MAPRE1: variants seen among roughly 807,000 people sequenced by gnomAD.
The protein encoded by MAPRE1 is microtubule associated protein RP/EB family member 1.
MAPRE1 carries 5 observed loss-of-function variants against 32.1 expected under a neutral mutation model. The ratio of observed to expected loss-of-function variants is 0.16; its 90% CI spans 0.08 to 0.33. The LOEUF (loss-of-function observed/expected upper bound fraction) is 0.33. Ranked by LOEUF, MAPRE1 falls within the 10% of genes least tolerant of loss-of-function variation. The probability of loss-of-function intolerance (pLI) is 1.00; values close to 1 mark genes in which losing one functional copy is unlikely to be tolerated. For missense variants in MAPRE1, 209 were observed against 327.2 expected, an observed-to-expected ratio of 0.64 and a Z score of 2.79; for synonymous variants, 122 against 118.9, an observed-to-expected ratio of 1.03 and a Z score of -0.17.
chr20:32,845,501 T>A (rs994827148), intron 5 of MAPRE1, among the ~76,000 whole-genome samples: 2 of 152,208 alleles, frequency 1.3e-5, no homozygotes, highest in Admixed American at 1.3e-4. Context: ...TGGTGTCACC[T>A]GATCCTCATC....
chr20:32,835,342 TTG>T (rs543931042), intron 3 of MAPRE1, among the ~76,000 whole-genome samples: 23 of 151,698 alleles, frequency 1.5e-4, no homozygotes, highest in Admixed American at 1.4e-3. Flanking sequence ...TTGTTATTTT[TTG>T]TGTGTGTGTT....
intron 2 of MAPRE1, among the ~76,000 whole-genome samples, chr20:32,831,536 G>GA (rs1171927445): frequency 7.4e-6 from 1 of 134,256 alleles, no homozygotes; most frequent in East Asian, 2.1e-4. Context: ...CTTTTTTGTT[G>GA]TTTTTTTTTT....
chr20:32,837,379 A>C (rs1279690704), intron 4 of MAPRE1, among the ~76,000 whole-genome samples: 1 of 152,104 alleles, frequency 6.6e-6, no homozygotes, highest in Non-Finnish European at 1.5e-5. Context: ...CTGCTAGGTG[A>C]CTTTGGCTTG....
Position 32,836,746 on chromosome 20 carries a change from TGG to T in MAPRE1, c.381_382del (p.Ala128CysfsTer20). 1 of 1,614,168 alleles carries T rather than the reference TGG, an allele frequency of 6.2e-7. No homozygotes were observed. On this transcript the variant is annotated frameshift_variant, in exon 4 of 7. Transcript: ENST00000375571. LOFTEE classifies it high-confidence loss of function. Reference sequence around the variant, plus strand: ...TATGATGGAAAAGACTATGACCCTGTGGCTGCCAGACAAGGTCAAGAAACTGC... The same window carrying T: ...TATGATGGAAAAGACTATGACCCTGTCTGCCAGACAAGGTCAAGAAACTGC...
chr20:32,840,222 T>C (rs1286399789), intron 5 of MAPRE1, among the ~76,000 whole-genome samples: 1 of 152,214 alleles, frequency 6.6e-6, no homozygotes, highest in Non-Finnish European at 1.5e-5. Flanking sequence ...TGCTGAGTCC[T>C]AGACTGGGGT....
chr20:32,829,938 G>A (rs934924548), intron 2 of MAPRE1, among the ~76,000 whole-genome samples: 3 of 152,146 alleles, frequency 2.0e-5, no homozygotes, highest in Non-Finnish European at 2.9e-5. Context: ...GAAAAACCTG[G>A]TCAAAGAGAA....
At chr20:32,837,854 C>G (rs1168631319) in intron 4 of MAPRE1, among the ~76,000 whole-genome samples, 1 of 152,144 alleles carries the variant, frequency 6.6e-6, no homozygotes, top group African/African-American at 2.4e-5. Context: ...GAGGCTGAGG[C>G]AGGCAGATCA....
At chr20:32,846,831 G>T (rs1292388798) in intron 6 of MAPRE1, 61 bp downstream of exon 6, 1 of 1,540,318 alleles carries the variant, frequency 6.5e-7, no homozygotes, top group African/African-American at 1.4e-5. Flanking sequence ...GGTGAACTCT[G>T]TGCTGATGCT....
intron 5 of MAPRE1, among the ~76,000 whole-genome samples, chr20:32,845,280 A>G (rs1273416296): frequency 6.6e-6 from 1 of 152,094 alleles, no homozygotes; most frequent in Non-Finnish European, 1.5e-5. Context: ...GCCTCAAGCG[A>G]TCCTCTCACC....
chr20:32,832,901 G>A (rs1463925147), intron 2 of MAPRE1, among the ~76,000 whole-genome samples: 3 of 133,204 alleles, frequency 2.3e-5, no homozygotes, highest in Admixed American at 1.7e-4. Flanking sequence ...CCGAGATCAC[G>A]CCACTGCACT....
chr20:32,826,070 AT>A, intron 2 of MAPRE1, 22 bp downstream of exon 2: 8 of 1,568,854 alleles, frequency 5.1e-6, no homozygotes, highest in Non-Finnish European at 7.0e-6. Flanking sequence ...CTGCTGGATC[AT>A]TTTTCTAGGA....
intron 1 of MAPRE1, among the ~76,000 whole-genome samples, chr20:32,821,427 T>C (rs1303158109): frequency 2.0e-5 from 3 of 152,190 alleles, no homozygotes; most frequent in East Asian, 1.9e-4. Flanking sequence ...GTGTCTAGGC[T>C]CTTAACCTCT....
intron 4 of MAPRE1, among the ~76,000 whole-genome samples, chr20:32,838,449 A>G (rs1219196071): frequency 6.6e-6 from 1 of 152,158 alleles, no homozygotes; most frequent in Non-Finnish European, 1.5e-5. Context: ...GTGAACGTTC[A>G]TATACGGCTT....
At chr20:32,845,385 G>A (rs1459686927) in intron 5 of MAPRE1, among the ~76,000 whole-genome samples, 2 of 152,032 alleles carry the variant, frequency 1.3e-5, no homozygotes, top group African/African-American at 2.4e-5. Context: ...TTATTTCTGC[G>A]GCTGGTAAAG....
intron 5 of MAPRE1, among the ~76,000 whole-genome samples, chr20:32,844,439 C>CTATTT (rs1983447156): frequency 1.9e-5 from 1 of 52,030 alleles, no homozygotes; most frequent in Non-Finnish European, 3.3e-5. Flanking sequence ...GCTAGCATTC[C>CTATTT]TTTTTTTTTT....
At chr20:32,823,317 T>A (rs770194064) in intron 1 of MAPRE1, among the ~76,000 whole-genome samples, 3 of 152,236 alleles carry the variant, frequency 2.0e-5, no homozygotes, top group Non-Finnish European at 4.4e-5. Context: ...CGAAGTACCG[T>A]AAGAGAGCAA....
intron 2 of MAPRE1, among the ~76,000 whole-genome samples, chr20:32,826,644 A>G (rs1982861059): frequency 7.1e-6 from 1 of 139,930 alleles, no homozygotes; most frequent in Non-Finnish European, 1.5e-5. Flanking sequence ...CTCCTACTTT[A>G]GCCTCCAAAG....
Position 32,843,034 on chromosome 20 carries a change from T to A in MAPRE1, c.597+3178T>A, listed in dbSNP as rs377617178. 17 of 152,360 alleles carry A rather than the reference T, an allele frequency of 1.1e-4. No homozygotes were observed. In the East Asian group the frequency reaches 1.9e-3, roughly 17 times the overall value. 9.4% of individuals were successfully genotyped at this position (152,360 alleles called of 1,614,324 possible). A position where few individuals can be genotyped will look rare whatever the true frequency, so the allele number is the denominator to read the frequency against. On this transcript the variant is annotated intron_variant, in intron 5 of 6. Coordinates refer to ENST00000375571, the MANE Select transcript of MAPRE1 (RefSeq NM_012325.3). Reference sequence around the variant, plus strand: ...TAAGTTTGCAGAGGCTGAAGGTCACTAACCAGGTGCTTTGTTGATCCTGGA... The same window carrying A: ...TAAGTTTGCAGAGGCTGAAGGTCACAAACCAGGTGCTTTGTTGATCCTGGA...
intron 5 of MAPRE1, among the ~76,000 whole-genome samples, chr20:32,842,702 A>G (rs1438513461): frequency 6.6e-6 from 1 of 152,212 alleles, no homozygotes; most frequent in Non-Finnish European, 1.5e-5. Context: ...CGTTGATGAG[A>G]GTACCAAGGC....
Sources: gnomAD v4.1 joint callset for allele counts (sites outside exome capture counted in the v4.1 genomes callset) on GRCh38, gnomAD v4.1.1 for gene constraint, MANE v1.5 for transcripts, NCBI Gene and HGNC (gene_info 2026-07-23, HGNC 2026-07-21) for gene names.